SMARCB1: variants seen among roughly 807,000 people sequenced by gnomAD.
SMARCB1 encodes SWI/SNF related BAF chromatin remodeling complex subunit B1, also known as SWI/SNF-related matrix-associated actin-dependent regulator of chromatin subfamily B member 1.
Under a neutral mutation model 49.0 loss-of-function variants are expected in SMARCB1, and 5 were observed. The ratio of observed to expected loss-of-function variants is 0.10; its 90% CI spans 0.05 to 0.21. The LOEUF is 0.21. Among genes scored for constraint, SMARCB1 ranks in the 10% least tolerant of loss-of-function variants. The pLI is 1.00. For missense variants in SMARCB1, 226 were observed against 509.2 expected (o/e 0.44, Z 5.35); for synonymous variants, 201 against 200.1 (o/e 1.00, Z -0.04).
Position 23,801,025 on chromosome 22 carries a change from C to T in SMARCB1, c.444C>T (p.Ser148=), listed in dbSNP as rs138184483. 327 of 1,614,136 alleles carry T rather than the reference C, an allele frequency of 2.0e-4. No individual in the cohort carries two copies. The African/African-American group carries it at 3.6e-3, about 18-fold the overall frequency. The change falls in exon 4 of 9, where the codon TCC becomes TCT. Residue 148 remains serine (S), a synonymous_variant. Transcript: ENST00000644036. ...ACCACTTAGATGCCGTGCCATGCTC[C>T]ACAACCATCAACAGGAACCGCATGG... is the stretch of plus-strand genomic sequence containing the variant. ...SSHHLDAVPC[S]TTINRNRMGR... is the part of the protein sequence containing the mutation.
chr22:23,793,590 G>C lies in SMARCB1; in HGVS notation c.264G>C (p.Val88=), dbSNP rs892770194. The part of the protein sequence containing the change: ...DHGYTTLATS[V]TLLKASEVEE... Reference sequence around the variant, plus strand: ...GATACACGACTCTAGCCACCAGTGTGACCCTGTTAAAAGCCTCGGAAGTGG... The same window carrying C: ...GATACACGACTCTAGCCACCAGTGTCACCCTGTTAAAAGCCTCGGAAGTGG... The change falls in exon 3 of 9, where the codon GTG becomes GTC. Residue 88 remains valine (V), a synonymous_variant. Transcript: ENST00000644036. 1 of 1,614,084 alleles carries C rather than the reference G, an allele frequency of 6.2e-7. No homozygotes were observed. The highest frequency in any genetic ancestry group is 8.5e-7 in the Non-Finnish European group (1 of 1,179,988).
intron 5 of SMARCB1, chr22:23,814,918 CAAGA>C (rs1223754794): frequency 6.7e-6 from 1 of 148,662 alleles, no homozygotes; most frequent in African/African-American, 2.5e-5. Flanking sequence ...TGCTGTGAGC[CAAGA>C]TCACGCCGTT....
At chr22:23,806,351 G>A (rs1306237638) in intron 5 of SMARCB1, among the ~76,000 whole-genome samples, 2 of 152,122 alleles carry the variant, frequency 1.3e-5, no homozygotes, top group African/African-American at 2.4e-5. Flanking sequence ...AAAATATGAT[G>A]CCCACTGAAA....
In SMARCB1 at chr22:23,788,178, A is replaced by G. The variant is rs141127114; in HGVS notation, c.93+916A>G. Among the ~76,000 whole-genome samples, 468 of 151,986 alleles carry G rather than the reference A, an allele frequency of 3.1e-3. 3 individuals are homozygous for G. The highest frequency in any genetic ancestry group is 0.022 in the South Asian group (107 of 4,814). ...CATGAGCCACCACACCCGGCCATAT[A>G]TTAGGTTTTTACAGATTGTCTCAAA... On this transcript the variant is annotated intron_variant, in intron 1 of 8. Coordinates refer to ENST00000644036, the MANE Select transcript of SMARCB1 (RefSeq NM_003073.5).
intron 3 of SMARCB1, among the ~76,000 whole-genome samples, chr22:23,795,107 C>T (rs1014601815): frequency 4.6e-5 from 7 of 151,696 alleles, no homozygotes; most frequent in Non-Finnish European, 8.8e-5. Context: ...AAAGAATTTG[C>T]CCTCATGTGT....
intron 3 of SMARCB1, among the ~76,000 whole-genome samples, chr22:23,797,204 T>C (rs1181923308): frequency 6.7e-6 from 1 of 149,982 alleles, no homozygotes; most frequent in Non-Finnish European, 1.5e-5. Context: ...TTCACCGTGT[T>C]AGCCAGGATG....
chr22:23,806,729 C>A (rs1929519321), intron 5 of SMARCB1, among the ~76,000 whole-genome samples: 1 of 152,044 alleles, frequency 6.6e-6, no homozygotes, highest in South Asian at 2.1e-4. Flanking sequence ...TGAGACCAGC[C>A]TGGCCATCAT....
At position 23,791,741 on chromosome 22, in the gene SMARCB1, T is replaced by G. The variant is rs751954991; in HGVS notation, c.94-15T>G. ...GCTGCGACCCTTATAATGAGCCTTC[T>G]TGCTTTACTCATAGGTGGGAAACTA... is the stretch of plus-strand genomic sequence containing the variant. On this transcript the variant is annotated splice_polypyrimidine_tract_variant and intron_variant, in intron 1 of 8. Coordinates refer to ENST00000644036, the MANE Select transcript of SMARCB1 (RefSeq NM_003073.5). 1 of 1,613,482 alleles carries G rather than the reference T, an allele frequency of 6.2e-7. No homozygotes were observed. The highest frequency in any genetic ancestry group is 1.7e-5 in the Admixed American group (1 of 60,022).
rs759056710 is a variant in SMARCB1 at position 23,787,214 on chromosome 22, G to T, written c.45G>T (p.Val15=). 2.5e-6 allele frequency: 4 copies of T among 1,609,170 alleles called. No homozygotes were observed. Among genetic ancestry groups the T allele is most frequent in the South Asian group, 2.2e-5 (2 of 90,682 alleles). Residue 15 remains valine (V), a synonymous_variant, in exon 1 of 9, where the codon GTG becomes GTT. Coordinates refer to ENST00000644036, the MANE Select transcript of SMARCB1 (RefSeq NM_003073.5). The stretch of plus-strand genomic sequence containing the variant: ...GCAAGACCTTCGGGCAGAAGCCCGT[G>T]AAGTTCCAGCTGGAGGACGACGGCG... ...ALSKTFGQKP[V]KFQLEDDGEF...
chr22:23,787,366 GGCGCGC>G (rs55705149), intron 1 of SMARCB1, 104 bp downstream of exon 1: 3 of 483,060 alleles, frequency 6.2e-6, no homozygotes, highest in South Asian at 3.0e-5. Flanking sequence ...GGGGCGGGCG[GGCGCGC>G]GCGCGCGCGC....
chr22:23,810,912 C>G (rs1050350425), intron 5 of SMARCB1, among the ~76,000 whole-genome samples: 1 of 151,954 alleles, frequency 6.6e-6, no homozygotes. Context: ...CGCCTGTAAT[C>G]CCAGCTACTC....
chr22:23,837,330 A>G lies in SMARCB1; in HGVS notation c.*3150A>G. On this transcript the variant is annotated 3_prime_UTR_variant, in exon 9 of 9. Transcript: ENST00000644036. The stretch of plus-strand genomic sequence containing the variant: ...GGTTGGCCGTGAAGGACAAGCTTAA[A>G]AGGCCCAGAAGCAGGCAGGACCCAG... The G allele has an allele frequency of 1.2e-6, 1 of 819,222 alleles. No individual in the cohort carries two copies. Among genetic ancestry groups the G allele is most frequent in the East Asian group, 2.7e-5 (1 of 37,238 alleles). 50.7% of individuals were successfully genotyped at this position (819,222 alleles called of 1,614,324 possible).
At chr22:23,805,123 CAGGCCTGAGT>C (rs952518346) in intron 5 of SMARCB1, among the ~76,000 whole-genome samples, 3 of 152,140 alleles carry the variant, frequency 2.0e-5, no homozygotes, top group Admixed American at 1.3e-4. Flanking sequence ...ACACCAGTGC[CAGGCCTGAGT>C]CCGAAGGCCT....
At chr22:23,802,539 C>T (rs1929233265) in intron 4 of SMARCB1, 1 of 158,932 alleles carries the variant, frequency 6.3e-6, no homozygotes, top group Non-Finnish European at 1.4e-5. Context: ...CTGCAGCATC[C>T]CTGCCCCTTT....
intron 3 of SMARCB1, among the ~76,000 whole-genome samples, chr22:23,795,068 T>C (rs895566859): frequency 1.2e-4 from 18 of 152,134 alleles, no homozygotes; most frequent in Non-Finnish European, 2.4e-4. Flanking sequence ...GGTCCATACC[T>C]TGAAGTACAA....
At chr22:23,793,208 C>T in intron 2 of SMARCB1, 1 of 371,426 alleles carries the variant, frequency 2.7e-6, no homozygotes, top group East Asian at 6.5e-5. Context: ...CTTTCTTTTC[C>T]CCTGAGTGAG....
At chr22:23,833,242 A>C (rs1175407119) in intron 7 of SMARCB1, among the ~76,000 whole-genome samples, 1 of 152,170 alleles carries the variant, frequency 6.6e-6, no homozygotes, top group Non-Finnish European at 1.5e-5. Context: ...CTGTGGCATC[A>C]GCATGGTCCA....
intron 3 of SMARCB1, 69 bp from the exon 4 acceptor site, chr22:23,800,875 T>G: frequency 8.6e-7 from 1 of 1,165,858 alleles, no homozygotes; most frequent in Non-Finnish European, 1.3e-6. Flanking sequence ...CCTGGAGCAT[T>G]AGTTGATTCC....
intron 5 of SMARCB1, among the ~76,000 whole-genome samples, chr22:23,805,071 G>T (rs17003946): frequency 6.6e-6 from 1 of 152,056 alleles, no homozygotes; most frequent in Non-Finnish European, 1.5e-5. Flanking sequence ...ATCCCCAGGC[G>T]CTCAGCATGG....
Sources: allele counts gnomAD v4.1 joint callset (sites outside exome capture counted in the v4.1 genomes callset), GRCh38; gene constraint gnomAD v4.1.1; transcripts MANE v1.5; gene names NCBI Gene and HGNC (gene_info 2026-07-23, HGNC 2026-07-21).